The following KCNQ1OT1 variants were observed in gnomAD, a reference collection of about 807,000 sequenced individuals.
KCNQ1OT1 encodes the protein KCNQ1 opposite strand/antisense transcript 1, also known as KCNQ1 antisense RNA 2 (non-protein coding).
exon 1 of KCNQ1OT1, chr11:2,649,044 G>A (rs1392241109): frequency 6.0e-6 from 2 of 332,614 alleles, no homozygotes; most frequent in Admixed American, 7.1e-5. Flanking sequence ...GCATGCTTTT[G>A]GTGTCTGTTT....
At chr11:2,648,264 A>G in exon 1 of KCNQ1OT1, 1 of 398,102 alleles carries the variant, frequency 2.5e-6, no homozygotes, top group Non-Finnish European at 4.4e-6. Context: ...TTTTATCTCT[A>G]TTTCATTTAG....
At position 2,613,495 on chromosome 11, in the gene KCNQ1OT1, G is replaced by C. The variant is rs1046539171; in HGVS notation, n.86500C>G. 1.8e-5 allele frequency: 7 copies of C among 398,420 alleles called. No individual in the cohort carries two copies. The highest frequency in any genetic ancestry group is 3.1e-5 in the Non-Finnish European group (7 of 226,068). 24.7% of individuals were successfully genotyped at this position (398,420 alleles called of 1,614,324 possible). A position where few individuals can be genotyped will look rare whatever the true frequency, so the allele number is the denominator to read the frequency against. On this transcript the variant is annotated non_coding_transcript_exon_variant, in exon 1 of 1. Transcript: ENST00000597346. This position sits in a 1 kb window ranked among gnomAD's most constrained non-coding sequence, Gnocchi z 4.8. The stretch of plus-strand genomic sequence containing the variant: ...TGTTGCTGGTCCTCAAGCCTACCGT[G>C]CCCCTGAGCTTGGGTGGGGAGATGG...
chr11:2,627,213 A>G lies in KCNQ1OT1; in HGVS notation n.72782T>C. 1 of 398,560 alleles carries G rather than the reference A, an allele frequency of 2.5e-6. No homozygotes were observed. 24.7% of individuals were successfully genotyped at this position (398,560 alleles called of 1,614,324 possible). A position where few individuals can be genotyped will look rare whatever the true frequency, so the allele number is the denominator to read the frequency against. On this transcript the variant is annotated non_coding_transcript_exon_variant, in exon 1 of 1. Transcript: ENST00000597346. This position sits in a 1 kb window ranked among gnomAD's most constrained non-coding sequence, Gnocchi z 4.9. Reference sequence around the variant, plus strand: ...TTATTGAGGTATAATTGACAAATTAAAAGTGCATATATTTAAGAACATATT... The same window carrying G: ...TTATTGAGGTATAATTGACAAATTAGAAGTGCATATATTTAAGAACATATT...
rs1409102446 is a variant in KCNQ1OT1 at position 2,664,707 on chromosome 11, G to A, written n.35288C>T. 1 of 398,644 alleles carries A rather than the reference G, an allele frequency of 2.5e-6. No individual in the cohort carries two copies. Among genetic ancestry groups the A allele is most frequent in the Non-Finnish European group, 4.4e-6 (1 of 226,174 alleles). The allele number at this position is 398,644 out of a possible 1,614,324, so 24.7% of individuals were successfully genotyped here. ...GGCCCCATGGACCCTGAACTGGGAA[G>A]AGAGGCACACGCCCTGGTGTGTGTG... On this transcript the variant is annotated non_coding_transcript_exon_variant, in exon 1 of 1. Transcript: ENST00000597346. The surrounding 1 kb of genome is among the most constrained non-coding windows in gnomAD (Gnocchi z 5.1).
exon 1 of KCNQ1OT1, chr11:2,694,903 A>G (rs1294342201): frequency 2.5e-6 from 1 of 398,562 alleles, no homozygotes; most frequent in African/African-American, 2.1e-5. Context: ...GAAGATCACC[A>G]GAAAAGACAA....
chr11:2,621,249 A>T lies in KCNQ1OT1; in HGVS notation n.78746T>A, dbSNP rs778680379. On this transcript the variant is annotated non_coding_transcript_exon_variant, in exon 1 of 1. Coordinates refer to ENST00000597346, the Ensembl canonical transcript of KCNQ1OT1. This position sits in a 1 kb window ranked among gnomAD's most constrained non-coding sequence, Gnocchi z 5.7. ...CACCTCAGCCTCCCAAAGTGCTAGGACTACAGGCATGAGCCACCGTGCCTG... is the reference window on the plus strand; with the variant it reads ...CACCTCAGCCTCCCAAAGTGCTAGGTCTACAGGCATGAGCCACCGTGCCTG... The T allele has an allele frequency of 2.0e-5, 8 of 398,230 alleles. No homozygotes were observed. In the East Asian group the frequency reaches 2.1e-4, roughly 11 times the overall value. The allele number at this position is 398,230 out of a possible 1,614,324, so 24.7% of individuals were successfully genotyped here. A position where few individuals can be genotyped will look rare whatever the true frequency, so the allele number is the denominator to read the frequency against.
exon 1 of KCNQ1OT1, chr11:2,640,443 G>A (rs973862527): frequency 2.5e-6 from 1 of 398,360 alleles, no homozygotes; most frequent in African/African-American, 2.1e-5. Context: ...GCACCACCAT[G>A]CCTGGATAAC....
rs1262528625 is a variant in KCNQ1OT1 at position 2,683,843 on chromosome 11, C to A, written n.16152G>T. 2.5e-6 allele frequency: 1 copy of A among 398,530 alleles called. No homozygotes were observed. Among genetic ancestry groups the A allele is most frequent in the Non-Finnish European group, 4.4e-6 (1 of 226,092 alleles). 24.7% of individuals were successfully genotyped at this position (398,530 alleles called of 1,614,324 possible). A position where few individuals can be genotyped will look rare whatever the true frequency, so the allele number is the denominator to read the frequency against. ...CAGAATGGCTTTGTTGGATTCCCCT[C>A]CCTGGCCCCACACTCACTGCTACAT... On this transcript the variant is annotated non_coding_transcript_exon_variant, in exon 1 of 1. Transcript: ENST00000597346. This position sits in a 1 kb window ranked among gnomAD's most constrained non-coding sequence, Gnocchi z 4.7.
At chr11:2,632,350 TG>T (rs1195182968) in exon 1 of KCNQ1OT1, 5 of 398,372 alleles carry the variant, frequency 1.3e-5, no homozygotes, top group Admixed American at 8.8e-5. Context: ...CCTTTCTAAA[TG>T]ATGCCTTTAT....
At chr11:2,666,560 A>G in exon 1 of KCNQ1OT1, 1 of 398,660 alleles carries the variant, frequency 2.5e-6, no homozygotes, top group Admixed American at 4.4e-5. Flanking sequence ...TGAATTCTGC[A>G]TTTGTCAGCA....
Position 2,668,719 on chromosome 11 carries a change from C to T in KCNQ1OT1, n.31276G>A, listed in dbSNP as rs1365594532. ...ACTCACACTCTCTCACAGACACACA[C>T]ATTGCAAATATCGCCTCCCCCTCTG... On this transcript the variant is annotated non_coding_transcript_exon_variant, in exon 1 of 1. Transcript: ENST00000597346. This position sits in a 1 kb window ranked among gnomAD's most constrained non-coding sequence, Gnocchi z 4.3. 7.5e-6 allele frequency: 3 copies of T among 398,526 alleles called. No homozygotes were observed. 24.7% of individuals were successfully genotyped at this position (398,526 alleles called of 1,614,324 possible). A position where few individuals can be genotyped will look rare whatever the true frequency, so the allele number is the denominator to read the frequency against.
At chr11:2,634,776 A>G (rs1450586836) in exon 1 of KCNQ1OT1, 1 of 152,166 alleles carries the variant, frequency 6.6e-6, no homozygotes, top group African/African-American at 2.4e-5. Context: ...CAATGGTTGA[A>G]CTAGTTTACA....
In KCNQ1OT1 at chr11:2,654,253, T is replaced by C; in HGVS notation, n.45742A>G. ...GATGCCCCTGGGGAGGGCTTCTCCT[T>C]CACAGTGCAGGATCCGCAGGGCTTT... On this transcript the variant is annotated non_coding_transcript_exon_variant, in exon 1 of 1. Coordinates refer to ENST00000597346, the Ensembl canonical transcript of KCNQ1OT1. This position sits in a 1 kb window ranked among gnomAD's most constrained non-coding sequence, Gnocchi z 6.4. 1 of 398,476 alleles carries C rather than the reference T, an allele frequency of 2.5e-6. No homozygotes were observed. The highest frequency in any genetic ancestry group is 4.4e-6 in the Non-Finnish European group (1 of 226,154). The allele number at this position is 398,476 out of a possible 1,614,324, so 24.7% of individuals were successfully genotyped here. A position where few individuals can be genotyped will look rare whatever the true frequency, so the allele number is the denominator to read the frequency against.
At chr11:2,644,707 G>A (rs1446060110) in exon 1 of KCNQ1OT1, 5 of 398,494 alleles carry the variant, frequency 1.3e-5, no homozygotes, top group Admixed American at 4.4e-5. Context: ...TCCTAAGAGA[G>A]TCTTGTTCCT....
In KCNQ1OT1 at chr11:2,670,932, C is replaced by A. The variant is rs1250161529; in HGVS notation, n.29063G>T. The A allele has an allele frequency of 1.3e-5, 5 of 398,556 alleles. No individual in the cohort carries two copies. Among genetic ancestry groups the A allele is most frequent in the Non-Finnish European group, 2.2e-5 (5 of 226,102 alleles). The allele number at this position is 398,556 out of a possible 1,614,324, so 24.7% of individuals were successfully genotyped here. A position where few individuals can be genotyped will look rare whatever the true frequency, so the allele number is the denominator to read the frequency against. ...CCTGCCCTCCCAGGATGCAAATTGG[C>A]AGGCCCAGCTTCATGCCTTCTTATG... On this transcript the variant is annotated non_coding_transcript_exon_variant, in exon 1 of 1. Transcript: ENST00000597346. The surrounding 1 kb of genome is among the most constrained non-coding windows in gnomAD (Gnocchi z 4.9).
At chr11:2,634,158 T>C (rs1488492121) in exon 1 of KCNQ1OT1, 3 of 397,284 alleles carry the variant, frequency 7.6e-6, no homozygotes, top group Admixed American at 4.4e-5. Context: ...TAGATTTCTC[T>C]TTTCTCTCTC....
chr11:2,671,013 G>A lies in KCNQ1OT1; in HGVS notation n.28982C>T. On this transcript the variant is annotated non_coding_transcript_exon_variant, in exon 1 of 1. Coordinates refer to ENST00000597346, the Ensembl canonical transcript of KCNQ1OT1. The surrounding 1 kb of genome is among the most constrained non-coding windows in gnomAD (Gnocchi z 4.7). ...GCTTTAGATATGTGGGCCCTGTTAG[G>A]GACAACGTAGGTGTCCTGGGCAGGG... The A allele has an allele frequency of 2.5e-6, 1 of 398,574 alleles. No individual in the cohort carries two copies. The highest frequency in any genetic ancestry group is 4.4e-6 in the Non-Finnish European group (1 of 226,078). The allele number at this position is 398,574 out of a possible 1,614,324, so 24.7% of individuals were successfully genotyped here. A position where few individuals can be genotyped will look rare whatever the true frequency, so the allele number is the denominator to read the frequency against.
Position 2,677,455 on chromosome 11 carries a change from T to G in KCNQ1OT1, n.22540A>C, listed in dbSNP as rs943847291. 1 of 398,480 alleles carries G rather than the reference T, an allele frequency of 2.5e-6. No homozygotes were observed. Among genetic ancestry groups the G allele is most frequent in the African/African-American group, 2.1e-5 (1 of 48,630 alleles). The allele number at this position is 398,480 out of a possible 1,614,324, so 24.7% of individuals were successfully genotyped here. A position where few individuals can be genotyped will look rare whatever the true frequency, so the allele number is the denominator to read the frequency against. Reference sequence around the variant, plus strand: ...GATGATAATTGATGCAGGTGGCCTCTTGGTCAAGCAGTGAAACCATGCCAT... The same window carrying G: ...GATGATAATTGATGCAGGTGGCCTCGTGGTCAAGCAGTGAAACCATGCCAT... On this transcript the variant is annotated non_coding_transcript_exon_variant, in exon 1 of 1. Transcript: ENST00000597346. This position sits in a 1 kb window ranked among gnomAD's most constrained non-coding sequence, Gnocchi z 4.5.
exon 1 of KCNQ1OT1, chr11:2,636,609 G>A (rs1849470210): frequency 6.6e-6 from 1 of 151,996 alleles, no homozygotes. Flanking sequence ...GAGGATTTTT[G>A]CATCAATGTT....
Sources: allele counts gnomAD v4.1 joint callset, GRCh38; gene constraint gnomAD v4.1.1; non-coding constraint Gnocchi (gnomAD v3.1); transcripts MANE v1.5; gene names NCBI Gene and HGNC (gene_info 2026-07-23, HGNC 2026-07-21).